Variants in SUPV3L1 observed in about 807,000 individuals in gnomAD.
The protein encoded by SUPV3L1 is Suv3 like RNA helicase.
Under a neutral mutation model 70.0 loss-of-function variants are expected in SUPV3L1, and 35 were observed. That is an observed-to-expected ratio of 0.50 (90% CI 0.38 to 0.66). The LOEUF (loss-of-function observed/expected upper bound fraction) is 0.66. Among genes scored for constraint, SUPV3L1 ranks in the 30% least tolerant of loss-of-function variants. The pLI is 0.00. For missense variants in SUPV3L1, 777 were observed against 961.5 expected (o/e 0.81, Z 2.54); for synonymous variants, 364 against 341.9 (o/e 1.06, Z -0.71).
chr10:69,202,289 A>AT (rs984145299), intron 11 of SUPV3L1, 150 bp from the exon 12 acceptor site: 1 of 560,118 alleles, frequency 1.8e-6, no homozygotes, highest in African/African-American at 1.9e-5. Flanking sequence ...GTAAAATGAT[A>AT]TTTTTTCTCT....
At position 69,199,204 on chromosome 10, in the gene SUPV3L1, A is replaced by T. The variant is rs766751112; in HGVS notation, c.1298+7A>T. Reference sequence around the variant, plus strand: ...TTGGCATGGGACTTAATTTGTAAGTAATTTGTTTTTAATAAGATGAATATT... The same window carrying T: ...TTGGCATGGGACTTAATTTGTAAGTTATTTGTTTTTAATAAGATGAATATT... On this transcript the variant is annotated splice_region_variant and intron_variant, in intron 10 of 14. Transcript: ENST00000359655. 1 of 1,601,612 alleles carries T rather than the reference A, an allele frequency of 6.2e-7. No individual in the cohort carries two copies. Among genetic ancestry groups the T allele is most frequent in the African/African-American group, 1.3e-5 (1 of 74,448 alleles).
Position 69,180,258 on chromosome 10 carries a change from G to C in SUPV3L1, c.-34G>C. The stretch of plus-strand genomic sequence containing the variant: ...CGTCACTGTCCGCCGCCGTGTCCGC[G>C]GCTGCGCCAGACAGTGTAGAACCTG... On this transcript the variant is annotated 5_prime_UTR_variant, in exon 1 of 15. Transcript: ENST00000359655. 1 of 1,590,584 alleles carries C rather than the reference G, an allele frequency of 6.3e-7. No individual in the cohort carries two copies. The highest frequency in any genetic ancestry group is 8.6e-7 in the Non-Finnish European group (1 of 1,166,132).
intron 14 of SUPV3L1, 93 bp from the exon 15 acceptor site, chr10:69,208,504 GAAT>G: frequency 7.6e-7 from 1 of 1,314,000 alleles, no homozygotes; most frequent in Non-Finnish European, 1.1e-6. Context: ...AGAACATTTA[GAAT>G]TTATCAATGT....
chr10:69,184,565 C>G (rs549563888), intron 1 of SUPV3L1, among the ~76,000 whole-genome samples: 1 of 151,002 alleles, frequency 6.6e-6, no homozygotes, highest in African/African-American at 2.4e-5. Flanking sequence ...TGTTCCTACC[C>G]GGCACAAAGT....
intron 13 of SUPV3L1, among the ~76,000 whole-genome samples, chr10:69,203,523 G>C (rs1293553449): frequency 6.6e-6 from 1 of 151,666 alleles, no homozygotes; most frequent in Non-Finnish European, 1.5e-5. Flanking sequence ...AATTATCCGG[G>C]CATGGTGGTG....
intron 1 of SUPV3L1, 112 bp from the exon 2 acceptor site, chr10:69,185,875 T>G (rs1287765794): frequency 3.8e-6 from 3 of 789,900 alleles, no homozygotes; most frequent in Non-Finnish European, 6.6e-6. Context: ...TTCTAGTTCT[T>G]GCAACACTCA....
At chr10:69,189,479 C>A (rs1842329502) in intron 5 of SUPV3L1, 44 bp downstream of exon 5, 1 of 1,531,980 alleles carries the variant, frequency 6.5e-7, no homozygotes, top group South Asian at 1.3e-5. Flanking sequence ...TCTTAATTTT[C>A]TTTTTTGGTG....
At chr10:69,194,079 C>A (rs993059796) in intron 6 of SUPV3L1, among the ~76,000 whole-genome samples, 3 of 152,102 alleles carry the variant, frequency 2.0e-5, no homozygotes, top group Admixed American at 1.3e-4. Context: ...CTGGAACTTG[C>A]CTTCTTCTTT....
At chr10:69,201,217 C>G (rs572978890) in intron 11 of SUPV3L1, among the ~76,000 whole-genome samples, 2 of 152,240 alleles carry the variant, frequency 1.3e-5, no homozygotes, top group Admixed American at 1.3e-4. Context: ...TCCTGGGCAC[C>G]TCATGTCTTG....
At chr10:69,207,764 C>T in intron 13 of SUPV3L1, 29 bp from the exon 14 acceptor site, 1 of 1,597,606 alleles carries the variant, frequency 6.3e-7, no homozygotes, top group Non-Finnish European at 8.5e-7. Flanking sequence ...TGACACTTCT[C>T]TGAAACCCTT....
intron 6 of SUPV3L1, among the ~76,000 whole-genome samples, chr10:69,193,517 C>T (rs534826910): frequency 3.3e-4 from 50 of 149,442 alleles, no homozygotes; most frequent in African/African-American, 1.1e-3. Context: ...TGCAGTGGCA[C>T]GATGACAGCT....
chr10:69,203,462 G>A (rs549274168), intron 13 of SUPV3L1, among the ~76,000 whole-genome samples: 48 of 152,010 alleles, frequency 3.2e-4, no homozygotes, highest in African/African-American at 1.1e-3. Context: ...TCAGGAATTC[G>A]AGACCAGCCT....
chr10:69,193,433 A>G (rs1842451236), intron 6 of SUPV3L1, among the ~76,000 whole-genome samples: 1 of 150,998 alleles, frequency 6.6e-6, no homozygotes, highest in Non-Finnish European at 1.5e-5. Context: ...TTGTTTGTAC[A>G]TATCCAGATC....
intron 13 of SUPV3L1, among the ~76,000 whole-genome samples, chr10:69,205,840 G>A (rs1025003228): frequency 6.6e-5 from 10 of 152,078 alleles, no homozygotes; most frequent in Admixed American, 2.6e-4. Context: ...CGGCCGCTCC[G>A]TGTGTTTTCT....
chr10:69,188,052 G>T (rs78146626), intron 4 of SUPV3L1, among the ~76,000 whole-genome samples: 1 of 152,030 alleles, frequency 6.6e-6, no homozygotes, highest in Non-Finnish European at 1.5e-5. Context: ...TGAGCGCCTG[G>T]GTGTTAATGA....
In SUPV3L1 at chr10:69,195,165, C is replaced by T. The variant is rs1228967711; in HGVS notation, c.854-23C>T. 3.8e-6 allele frequency: 6 copies of T among 1,590,290 alleles called. No individual in the cohort carries two copies. In the African/African-American group the frequency reaches 4.1e-5, roughly 11 times the overall value. On this transcript the variant is annotated intron_variant, in intron 6 of 14. Coordinates refer to ENST00000359655, the MANE Select transcript of SUPV3L1 (RefSeq NM_003171.5). ...TACTATTTAAGTAGATGGTATTGCT[C>T]ATGTTAACTTTTTTATTTTAAGATG... is the stretch of plus-strand genomic sequence containing the variant.
chr10:69,197,038 T>C lies in SUPV3L1; in HGVS notation c.978T>C (p.Ile326=), dbSNP rs1430208359. The change falls in exon 8 of 15, where the codon ATT becomes ATC. Residue 326 remains isoleucine (I), a synonymous_variant. Transcript: ENST00000359655. The part of the protein sequence containing the change: ...EVHLCGEPAA[I]DLVMELMYTT... ...ATTTGTGTGGAGAACCTGCTGCTAT[T>C]GACCTGGTGATGGAGCTTATGTACA... 1.2e-6 allele frequency: 2 copies of C among 1,614,140 alleles called. No individual in the cohort carries two copies. Among genetic ancestry groups the C allele is most frequent in the Non-Finnish European group, 1.7e-6 (2 of 1,180,000 alleles).
Position 69,195,207 on chromosome 10 carries a change from T to C in SUPV3L1, c.873T>C (p.Asp291=). ...TTTAAGATGAAGTGGCTGTAATTGA[T>C]GAAATTCAAATGATTAGAGATCCAG... is the stretch of plus-strand genomic sequence containing the variant. ...VTTPYEVAVI[D]EIQMIRDPAR... Residue 291 remains aspartate (D), a synonymous_variant, in exon 7 of 15, where the codon GAT becomes GAC. Transcript: ENST00000359655. 1 of 1,612,594 alleles carries C rather than the reference T, an allele frequency of 6.2e-7. No individual in the cohort carries two copies. The highest frequency in any genetic ancestry group is 8.5e-7 in the Non-Finnish European group (1 of 1,179,398).
rs1362639109 is a variant in SUPV3L1 at position 69,202,500 on chromosome 10, C to T, written c.1580C>T (p.Ala527Val). The stretch of plus-strand genomic sequence containing the variant: ...ATGTTTGCCTACCATCTCCCTGATG[C>T]AACACTGTCCAATCTCATTGTAAGT... ...IEMFAYHLPD[A>V]TLSNLIDIFV... Residue 527 changes from alanine (A) to valine (V), a missense_variant, in exon 12 of 15, where the codon GCA (alanine) becomes GTA (valine). Physicochemically the swap from Ala to Val is moderately conservative, Grantham distance 64 (BLOSUM62 0). Coordinates refer to ENST00000359655, the MANE Select transcript of SUPV3L1 (RefSeq NM_003171.5). 6 of 1,613,392 alleles carry T rather than the reference C, an allele frequency of 3.7e-6. No individual in the cohort carries two copies. The highest frequency in any genetic ancestry group is 4.2e-6 in the Non-Finnish European group (5 of 1,179,514).
Sources: gnomAD v4.1 joint callset for allele counts (sites outside exome capture counted in the v4.1 genomes callset) on GRCh38, gnomAD v4.1.1 for gene constraint, MANE v1.5 for transcripts, NCBI Gene and HGNC (gene_info 2026-07-23, HGNC 2026-07-21) for gene names.